Variants in MBOAT7 observed in about 807,000 individuals in gnomAD.
The protein encoded by MBOAT7 is membrane-bound acylglycerophosphatidylinositol O-acyltransferase MBOAT7.
A neutral mutation model predicts 47.4 loss-of-function variants in MBOAT7; 40 were observed. The observed-to-expected ratio is 0.84, with a 90% confidence interval of 0.66 to 1.10. MBOAT7 has a LOEUF of 1.10. Ranked by LOEUF, MBOAT7 falls within the 50% of genes least tolerant of loss-of-function variation. The pLI is 0.00. For missense variants in MBOAT7, 680 were observed against 655.6 expected, an observed-to-expected ratio of 1.04 and a Z score of -0.41; for synonymous variants, 361 against 292.0, an observed-to-expected ratio of 1.24 and a Z score of -2.41.
In MBOAT7 at chr19:54,180,630, T is replaced by C. The variant is rs2076234925; in HGVS notation, c.854+143A>G. The C allele has an allele frequency of 1.6e-5, 12 of 744,044 alleles. No homozygotes were observed. The highest frequency in any genetic ancestry group is 2.5e-5 in the Non-Finnish European group (12 of 477,158). 46.1% of individuals were successfully genotyped at this position (744,044 alleles called of 1,614,324 possible). A position where few individuals can be genotyped will look rare whatever the true frequency, so the allele number is the denominator to read the frequency against. On this transcript the variant is annotated intron_variant, in intron 6 of 7. Coordinates refer to ENST00000245615, the MANE Select transcript of MBOAT7 (RefSeq NM_024298.5). This position sits in a 1 kb window ranked among gnomAD's most constrained non-coding sequence, Gnocchi z 5.2. ...CCTACCGACAGGGGCTGGCAGGCCA[T>C]GGTTGCCGAGGGGGCGACACTCTGC... is the stretch of plus-strand genomic sequence containing the variant.
chr19:54,188,327 C>T lies in MBOAT7; in HGVS notation c.96G>A (p.Trp32Ter). 1 of 1,613,976 alleles carries T rather than the reference C, an allele frequency of 6.2e-7. No homozygotes were observed. Among genetic ancestry groups the T allele is most frequent in the Non-Finnish European group, 8.5e-7 (1 of 1,179,954 alleles). ...GCCCCAGGCCCACAGCGGCTGCTCCCCATCTCTTCAGCCCAGGACCTGCAG... is the reference window on the plus strand; with the variant it reads ...GCCCCAGGCCCACAGCGGCTGCTCCTCATCTCTTCAGCCCAGGACCTGCAG... ...FKKAGPGLKRWGAAAVGLGLT... is the reference protein window; with the variant it reads ...FKKAGPGLKR Residue 32 changes from tryptophan (W) to a stop codon, truncating the protein, a stop_gained, in exon 3 of 8, where the codon TGG becomes TGA. Coordinates refer to ENST00000245615, the MANE Select transcript of MBOAT7 (RefSeq NM_024298.5). LOFTEE classifies it high-confidence loss of function.
In MBOAT7 at chr19:54,180,609, C is replaced by A. The variant is rs917455175; in HGVS notation, c.854+164G>T. 3.7e-5 allele frequency: 24 copies of A among 654,228 alleles called. No individual in the cohort carries two copies. In the African/African-American group the frequency reaches 4.1e-4, roughly 11 times the overall value. 40.5% of individuals were successfully genotyped at this position (654,228 alleles called of 1,614,324 possible). ...GTCAGTACCAGGGATCTTTTCCCTA[C>A]CGACAGGGGCTGGCAGGCCATGGTT... On this transcript the variant is annotated intron_variant, in intron 6 of 7. Transcript: ENST00000245615. The surrounding 1 kb of genome is among the most constrained non-coding windows in gnomAD (Gnocchi z 5.2).
chr19:54,179,048 C>T, intron 6 of MBOAT7, 107 bp from the exon 7 acceptor site: 1 of 1,443,688 alleles, frequency 6.9e-7, no homozygotes, highest in Non-Finnish European at 9.3e-7. Context: ...GGATCCTGGC[C>T]AGGCAATGGC....
chr19:54,188,027 A>C (rs1220757544), intron 3 of MBOAT7, among the ~76,000 whole-genome samples, 190 bp downstream of exon 3: 471 of 81,040 alleles, frequency 5.8e-3, no homozygotes, highest in African/African-American at 0.014. Context: ...GAAAGAAAGA[A>C]AGAAAGAAAG....
rs766981578 is a variant in MBOAT7 at position 54,178,910 on chromosome 19, A to C, written c.886T>G (p.Tyr296Asp). The C allele has an allele frequency of 1.2e-5, 20 of 1,613,324 alleles. No individual in the cohort carries two copies. Among genetic ancestry groups the C allele is most frequent in the Non-Finnish European group, 1.7e-5 (20 of 1,179,978 alleles). ...CAGTCGATGTTGCGGATGGTCTCATAGTCATACTCCAAGGAAGCCGCCTTC... is the reference window on the plus strand; with the variant it reads ...CAGTCGATGTTGCGGATGGTCTCATCGTCATACTCCAAGGAAGCCGCCTTC... ...PEKAASLEYDYETIRNIDCYS... is the reference protein window; with the variant it reads ...PEKAASLEYDDETIRNIDCYS... The change falls in exon 7 of 8, where the codon TAT becomes GAT. Residue 296 changes from tyrosine (Y) to aspartate (D), a missense_variant. By Grantham distance (160) the Tyr-to-Asp change is radical. Transcript: ENST00000245615.
intron 1 of MBOAT7, chr19:54,189,071 G>A (rs2147052116): frequency 7.0e-6 from 1 of 142,878 alleles, no homozygotes; most frequent in South Asian, 2.1e-4. Context: ...GAGGAGCCCG[G>A]GTCTCCAACC....
intron 7 of MBOAT7, among the ~76,000 whole-genome samples, chr19:54,175,093 A>G (rs1600624959): frequency 6.6e-6 from 1 of 150,764 alleles, no homozygotes; most frequent in Admixed American, 6.6e-5. Flanking sequence ...CTCCTGCCTC[A>G]GCCTCCCGAG....
Position 54,180,972 on chromosome 19 carries a change from C to G in MBOAT7, c.655G>C (p.Glu219Gln). 2 of 1,571,946 alleles carry G rather than the reference C, an allele frequency of 1.3e-6. No homozygotes were observed. Among genetic ancestry groups the G allele is most frequent in the Non-Finnish European group, 1.7e-6 (2 of 1,160,014 alleles). ...SHLFPLEAVR[E>Q]DAFYARPLPA... ...AGCGGGCGGGCGTAGAAGGCGTCCTCGCGCACGGCCTCCAGCGGGAAGAGG... is the reference window on the plus strand; with the variant it reads ...AGCGGGCGGGCGTAGAAGGCGTCCTGGCGCACGGCCTCCAGCGGGAAGAGG... Residue 219 changes from glutamate to glutamine, a missense_variant, in exon 6 of 8, where the codon GAG (glutamate) becomes CAG (glutamine). By Grantham distance (29) the Glu-to-Gln change is conservative. Transcript: ENST00000245615. The surrounding 1 kb of genome is among the most constrained non-coding windows in gnomAD (Gnocchi z 5.2).
rs748620020 is a variant in MBOAT7 at position 54,180,816 on chromosome 19, G to A, written c.811C>T (p.Arg271Trp). Residue 271 changes from arginine to tryptophan, a missense_variant, in exon 6 of 8, where the codon CGG (arginine) becomes TGG (tryptophan). By Grantham distance (101) the Arg-to-Trp change is moderately radical. Coordinates refer to ENST00000245615, the MANE Select transcript of MBOAT7 (RefSeq NM_024298.5). This position sits in a 1 kb window ranked among gnomAD's most constrained non-coding sequence, Gnocchi z 5.2. ...TGGAGGGTGGGGCCGCCTCCGGCCC[G>A]GGCTTTGGCGGCCACGGGGTAGGCC... ...FGAYPVAAKA[R>W]AGGGPTLQCP... 3.7e-5 allele frequency: 58 copies of A among 1,564,628 alleles called. 1 individual carries two copies. In the East Asian group the frequency reaches 6.5e-4, roughly 18 times the overall value.
Position 54,174,313 on chromosome 19 carries a change from G to A in MBOAT7, c.1150C>T (p.Arg384Trp), listed in dbSNP as rs748012228. ...AAEGRLESAL[R>W]GRLSPGGQKA... is the part of the protein sequence containing the mutation. ...TGGCCCCCTGGGCTCAGCCGCCCCC[G>A]CAGGGCTGACTCCAGCCGGCCCTCG... Residue 384 changes from arginine (R) to tryptophan (W), a missense_variant, in exon 8 of 8, where the codon CGG (arginine) becomes TGG (tryptophan). Arg to Trp is a moderately radical substitution (Grantham distance 101). Coordinates refer to ENST00000245615, the MANE Select transcript of MBOAT7 (RefSeq NM_024298.5). 1.7e-5 allele frequency: 28 copies of A among 1,613,046 alleles called. No individual in the cohort carries two copies. The highest frequency in any genetic ancestry group is 1.3e-4 in the Admixed American group (8 of 59,878).
At position 54,174,113 on chromosome 19, in the gene MBOAT7, G is replaced by A; in HGVS notation, c.1350C>T (p.Gly450=). The change falls in exon 8 of 8, where the codon GGC becomes GGT. Residue 450 remains glycine, a synonymous_variant. Coordinates refer to ENST00000245615, the MANE Select transcript of MBOAT7 (RefSeq NM_024298.5). The stretch of plus-strand genomic sequence containing the variant: ...ATGCTGCCTTCCGCCGGCTGGGGCT[G>A]CCCCCACCTAAAGCCAGCCCCAGCC... The part of the protein sequence containing the change: ...ALGLGLALGG[G]SPSRRKAASQ... The A allele has an allele frequency of 6.2e-7, 1 of 1,605,754 alleles. No homozygotes were observed. The highest frequency in any genetic ancestry group is 8.5e-7 in the Non-Finnish European group (1 of 1,176,612).
chr19:54,173,953 T>C lies in MBOAT7; in HGVS notation c.*91A>G, dbSNP rs1335338705. On this transcript the variant is annotated 3_prime_UTR_variant, in exon 8 of 8. Coordinates refer to ENST00000245615, the MANE Select transcript of MBOAT7 (RefSeq NM_024298.5). Reference sequence around the variant, plus strand: ...GAAGAGGAAATTCTCTCCAGGACCCTCTCCAAGGTAAGGACTCTTTCTGGG... The same window carrying C: ...GAAGAGGAAATTCTCTCCAGGACCCCCTCCAAGGTAAGGACTCTTTCTGGG... 175 of 1,417,928 alleles carry C rather than the reference T, an allele frequency of 1.2e-4. No individual in the cohort carries two copies. Among genetic ancestry groups the C allele is most frequent in the Non-Finnish European group, 1.5e-4 (162 of 1,068,338 alleles). The allele number at this position is 1,417,928 out of a possible 1,614,324, so 87.8% of individuals were successfully genotyped here.
intron 4 of MBOAT7, 150 bp from the exon 5 acceptor site, chr19:54,183,830 C>T: frequency 5.4e-6 from 4 of 734,546 alleles, no homozygotes; most frequent in Admixed American, 3.9e-5. Context: ...TCTAGCTGGG[C>T]GGTGTTCCCC....
At chr19:54,183,752 G>A (rs570322814) in intron 4 of MBOAT7, 72 bp from the exon 5 acceptor site, 13 of 1,413,560 alleles carry the variant, frequency 9.2e-6, no homozygotes, top group Admixed American at 6.3e-5. Flanking sequence ...TCCCTTGCGC[G>A]GCTGCCCTCG....
Position 54,176,102 on chromosome 19 carries a change from A to G in MBOAT7, c.1032-1671T>C, listed in dbSNP as rs538941455. The stretch of plus-strand genomic sequence containing the variant: ...GATCTCCTGACCTTGTGATCCACCC[A>G]CCTTGGCCTCCCAAAGTGCTGGGAT... On this transcript the variant is annotated intron_variant, in intron 7 of 7. Coordinates refer to ENST00000245615, the MANE Select transcript of MBOAT7 (RefSeq NM_024298.5). 2.9e-4 allele frequency among the ~76,000 whole-genome samples: 44 copies of G among 151,450 alleles called. No homozygotes were observed. In the South Asian group the frequency reaches 6.9e-3, roughly 24 times the overall value.
chr19:54,180,666 G>C lies in MBOAT7; in HGVS notation c.854+107C>G. ...GGGGCGACACTCTGCTCAAAAAGGT[G>C]GTGGCCCTGGCCCCTTGCTCCCCGC... is the stretch of plus-strand genomic sequence containing the variant. On this transcript the variant is annotated intron_variant, in intron 6 of 7. Transcript: ENST00000245615. This position sits in a 1 kb window ranked among gnomAD's most constrained non-coding sequence, Gnocchi z 5.2. 1 of 1,075,730 alleles carries C rather than the reference G, an allele frequency of 9.3e-7. No individual in the cohort carries two copies. Among genetic ancestry groups the C allele is most frequent in the Non-Finnish European group, 1.3e-6 (1 of 775,390 alleles). 66.6% of individuals were successfully genotyped at this position (1,075,730 alleles called of 1,614,324 possible).
At chr19:54,187,005 G>A in intron 4 of MBOAT7, 156 bp downstream of exon 4, 2 of 900,522 alleles carry the variant, frequency 2.2e-6, no homozygotes, top group Non-Finnish European at 3.3e-6. Flanking sequence ...GCATGTGAAT[G>A]GGGAATGCTG....
At position 54,177,900 on chromosome 19, in the gene MBOAT7, GTTTTTTTTTTTTTTTTT is replaced by G. The variant is rs761565984; in HGVS notation, c.1031+848_1031+864del. On this transcript the variant is annotated intron_variant, in intron 7 of 7. Transcript: ENST00000245615. ...ATGCCTGGCTATGAGTTCTACTTCT[GTTTTTTTTTTTTTTTTT>G]TTTTTTTTTTTTTGAGACGGAGTCT... Among the ~76,000 whole-genome samples the G allele has an allele frequency of 7.7e-3, 587 of 76,004 alleles. 5 individuals carry two copies. Among genetic ancestry groups the G allele is most frequent in the Non-Finnish European group, 0.011 (452 of 41,174 alleles). The allele number at this position is 76,004 out of a possible 152,430, so 49.9% of individuals were successfully genotyped here.
Position 54,181,105 on chromosome 19 carries a change from C to T in MBOAT7, c.522G>A (p.Leu174=). 6.7e-7 allele frequency: 1 copy of T among 1,501,432 alleles called. No individual in the cohort carries two copies. Among genetic ancestry groups the T allele is most frequent in the Non-Finnish European group, 8.9e-7 (1 of 1,124,782 alleles). The allele number at this position is 1,501,432 out of a possible 1,614,324, so 93.0% of individuals were successfully genotyped here. A position where few individuals can be genotyped will look rare whatever the true frequency, so the allele number is the denominator to read the frequency against. The stretch of plus-strand genomic sequence containing the variant: ...CGGGGAAGGGCTGCTCCAGCCAGTC[C>T]AGGTAGGTGCGGTAGCGGAAGAACG... ...TGPFFRYRTY[L]DWLEQPFPGA... is the part of the protein sequence containing the mutation. Residue 174 remains leucine (L), a synonymous_variant, in exon 6 of 8, where the codon CTG becomes CTA. Coordinates refer to ENST00000245615, the MANE Select transcript of MBOAT7 (RefSeq NM_024298.5).
Sources: gnomAD v4.1 joint callset for allele counts (sites outside exome capture counted in the v4.1 genomes callset) on GRCh38, gnomAD v4.1.1 for gene constraint, Gnocchi (gnomAD v3.1) non-coding constraint, MANE v1.5 for transcripts, NCBI Gene and HGNC (gene_info 2026-07-23, HGNC 2026-07-21) for gene names.